RXRA: variants seen among roughly 807,000 people sequenced by gnomAD.
RXRA encodes retinoic acid receptor RXR-alpha.
In RXRA, 5 loss-of-function variants were observed where a neutral mutation model predicts 44.5. The observed-to-expected ratio is 0.11, with a 90% CI of 0.06 to 0.24. The LOEUF (loss-of-function observed/expected upper bound fraction) is 0.24, where lower values mean the gene tolerates loss of function less well. RXRA is among the 10% of genes least tolerant of loss of function. RXRA has a pLI of 1.00. For synonymous variants in RXRA, 291 were observed against 271.4 expected (o/e 1.07, Z -0.71); for missense variants, 412 against 646.5 (o/e 0.64, Z 3.93).
At chr9:134,348,028 G>A (rs1286108431) in intron 1 of RXRA, among the ~76,000 whole-genome samples, 1 of 152,200 alleles carries the variant, frequency 6.6e-6, no homozygotes, top group Non-Finnish European at 1.5e-5. Context: ...GGAGGAGCCG[G>A]TGGGTCTGGT....
chr9:134,433,375 G>T lies in RXRA; in HGVS notation c.1136-727G>T, dbSNP rs947642027. Among the ~76,000 whole-genome samples, 3 of 152,160 alleles carry T rather than the reference G, an allele frequency of 2.0e-5. No homozygotes were observed. Among genetic ancestry groups the T allele is most frequent in the African/African-American group, 7.2e-5 (3 of 41,430 alleles). ...ACAAGCAGGGTCCAGGCACAGGCTT[G>T]CAGGGAAAGCGAAGAGACCAGGGCA... On this transcript the variant is annotated intron_variant, in intron 8 of 9. Coordinates refer to ENST00000481739, the MANE Select transcript of RXRA (RefSeq NM_002957.6). This position sits in a 1 kb window ranked among gnomAD's most constrained non-coding sequence, Gnocchi z 4.2.
At chr9:134,408,898 G>A in intron 3 of RXRA, 42 bp from the exon 4 acceptor site, 2 of 1,440,444 alleles carry the variant, frequency 1.4e-6, no homozygotes, top group South Asian at 1.5e-5. Context: ...TCCCTGCCGG[G>A]GCGGTGGGTG....
rs563450601 is a variant in RXRA at position 134,349,248 on chromosome 9, TCCTC to T, written c.28+22590_28+22593del. Among the ~76,000 whole-genome samples, 111 of 152,266 alleles carry T rather than the reference TCCTC, an allele frequency of 7.3e-4. No homozygotes were observed. Among genetic ancestry groups the T allele is most frequent in the African/African-American group, 2.6e-3 (108 of 41,554 alleles). The stretch of plus-strand genomic sequence containing the variant: ...ACCAGCCTGGCCCCGAGCTCCCACT[TCCTC>T]ATGCTGGGCACATGGGGAGCCCTGC... On this transcript the variant is annotated intron_variant, in intron 1 of 9. Transcript: ENST00000481739. The surrounding 1 kb of genome is among the most constrained non-coding windows in gnomAD (Gnocchi z 4.3).
chr9:134,375,321 G>C (rs914764546), intron 1 of RXRA, among the ~76,000 whole-genome samples: 4 of 152,114 alleles, frequency 2.6e-5, no homozygotes, highest in Non-Finnish European at 5.9e-5. Flanking sequence ...TTCCTGGCCT[G>C]GTTCCGATGG....
intron 1 of RXRA, among the ~76,000 whole-genome samples, chr9:134,333,131 A>T (rs2119012187): frequency 6.6e-6 from 1 of 152,160 alleles, no homozygotes; most frequent in East Asian, 1.9e-4. Flanking sequence ...CATGGAGGGG[A>T]CCAGACTTTG....
At chr9:134,404,459 G>C (rs2119148324) in intron 2 of RXRA, 1 of 152,498 alleles carries the variant, frequency 6.6e-6, no homozygotes, top group East Asian at 1.9e-4. Flanking sequence ...GGCTGCAGCC[G>C]GCTCACCTGG....
At chr9:134,423,172 G>T in intron 6 of RXRA, 1 of 985,428 alleles carries the variant, frequency 1.0e-6, no homozygotes, top group Non-Finnish European at 1.2e-6. Flanking sequence ...CGAGTCAGCC[G>T]GGGTAGCTGT....
At chr9:134,396,110 A>C (rs950862198) in intron 1 of RXRA, among the ~76,000 whole-genome samples, 13 of 152,260 alleles carry the variant, frequency 8.5e-5, no homozygotes, top group Admixed American at 1.3e-4. Flanking sequence ...AGAAGGGGAG[A>C]CTGAGGCTCA....
At chr9:134,359,342 C>T (rs775037539) in intron 1 of RXRA, among the ~76,000 whole-genome samples, 20 of 152,072 alleles carry the variant, frequency 1.3e-4, no homozygotes, top group African/African-American at 4.3e-4. Flanking sequence ...TTGGAGGCCC[C>T]GGAGATAATT....
intron 4 of RXRA, among the ~76,000 whole-genome samples, chr9:134,411,502 G>C (rs35059242): frequency 6.6e-6 from 1 of 152,224 alleles, no homozygotes; most frequent in East Asian, 1.9e-4. Context: ...GAGGTGAGCC[G>C]TGGGGAGGTC....
intron 4 of RXRA, among the ~76,000 whole-genome samples, chr9:134,413,194 T>C (rs1831178068): frequency 6.6e-6 from 1 of 152,060 alleles, no homozygotes; most frequent in Non-Finnish European, 1.5e-5. Flanking sequence ...CCCTGCGAGC[T>C]TGGGGGTGGA....
intron 1 of RXRA, among the ~76,000 whole-genome samples, chr9:134,374,374 C>T (rs559857601): frequency 1.6e-3 from 249 of 152,292 alleles, no homozygotes; most frequent in Middle Eastern, 6.8e-3. Flanking sequence ...GGGCTGCTCC[C>T]GGCCTGAGGG....
At position 134,365,473 on chromosome 9, in the gene RXRA, C is replaced by A. The variant is rs986258391; in HGVS notation, c.29-36159C>A. ...TTCTTGGCTGATGTGTGGGTTTGCT[C>A]ATGGGGTGGACCAGGCCGCTGCCCC... On this transcript the variant is annotated intron_variant, in intron 1 of 9. Transcript: ENST00000481739. The surrounding 1 kb of genome is among the most constrained non-coding windows in gnomAD (Gnocchi z 4.0). Among the ~76,000 whole-genome samples the A allele has an allele frequency of 7.9e-5, 12 of 152,254 alleles. No individual in the cohort carries two copies. Among genetic ancestry groups the A allele is most frequent in the Admixed American group, 5.9e-4 (9 of 15,302 alleles).
intron 2 of RXRA, chr9:134,403,442 C>T (rs36103289): frequency 6.6e-6 from 1 of 152,284 alleles, no homozygotes; most frequent in African/African-American, 2.4e-5. Context: ...AGCATGGTGC[C>T]CTGTGGCGAG....
intron 1 of RXRA, among the ~76,000 whole-genome samples, chr9:134,353,016 C>T (rs868911569): frequency 6.6e-6 from 1 of 152,076 alleles, no homozygotes; most frequent in South Asian, 2.1e-4. Flanking sequence ...ACCCTCCCAC[C>T]ACCTGTGCTC....
intron 6 of RXRA, chr9:134,427,302 C>A: frequency 2.6e-6 from 1 of 384,870 alleles, no homozygotes; most frequent in Non-Finnish European, 3.6e-6. Flanking sequence ...TTTCCTAAAC[C>A]CCCGCCCCGG....
chr9:134,431,592 C>T (rs1398565433), intron 7 of RXRA, among the ~76,000 whole-genome samples: 1 of 152,200 alleles, frequency 6.6e-6, no homozygotes, highest in Non-Finnish European at 1.5e-5. Context: ...TGCGGCTCAC[C>T]TCAGTTTAGC....
rs990330696 is a variant in RXRA at position 134,366,543 on chromosome 9, G to C, written c.29-35089G>C. Among the ~76,000 whole-genome samples, 1 of 152,166 alleles carries C rather than the reference G, an allele frequency of 6.6e-6. No individual in the cohort carries two copies. The highest frequency in any genetic ancestry group is 6.5e-5 in the Admixed American group (1 of 15,284). ...AGCCACCCCGTGCCATGGGCCTCCA[G>C]GTCCCCCGGGTGCTGGCCTGGGGAC... On this transcript the variant is annotated intron_variant, in intron 1 of 9. Transcript: ENST00000481739. The surrounding 1 kb of genome is among the most constrained non-coding windows in gnomAD (Gnocchi z 5.9).
intron 5 of RXRA, among the ~76,000 whole-genome samples, chr9:134,419,588 G>C (rs1225099461): frequency 6.6e-6 from 1 of 152,236 alleles, no homozygotes; most frequent in African/African-American, 2.4e-5. Context: ...CAGCGTCACG[G>C]TCCTGGTGCC....
Sources: allele counts gnomAD v4.1 joint callset (sites outside exome capture counted in the v4.1 genomes callset), GRCh38; gene constraint gnomAD v4.1.1; non-coding constraint Gnocchi (gnomAD v3.1); transcripts MANE v1.5; gene names NCBI Gene and HGNC (gene_info 2026-07-23, HGNC 2026-07-21).